RORA: variants seen among roughly 807,000 people sequenced by gnomAD.
RORA encodes nuclear receptor ROR-alpha.
RORA carries 7 observed loss-of-function variants against 69.5 expected under a neutral mutation model. The observed-to-expected ratio is 0.10, with a 90% CI of 0.06 to 0.19. RORA has a LOEUF of 0.19. RORA is among the 10% of genes least tolerant of loss of function. The probability of loss-of-function intolerance (pLI) is 1.00; values close to 1 mark genes in which losing one functional copy is unlikely to be tolerated. For synonymous variants in RORA, 261 were observed against 240.8 expected (o/e 1.08, Z -0.78); for missense variants, 457 against 663.0 (o/e 0.69, Z 3.41).
chr15:61,163,302 G>GA (rs889043832), intron 1 of RORA, among the ~76,000 whole-genome samples: 10 of 152,268 alleles, frequency 6.6e-5, no homozygotes, highest in Middle Eastern at 3.4e-3. Flanking sequence ...CGTGTTCCAG[G>GA]AGACACCAGT....
intron 1 of RORA, among the ~76,000 whole-genome samples, chr15:60,988,665 G>T (rs559098590): frequency 1.6e-4 from 25 of 152,288 alleles, no homozygotes; most frequent in Non-Finnish European, 3.1e-4. Flanking sequence ...AAACGCTGTA[G>T]CTGTCTCTGT....
intron 1 of RORA, among the ~76,000 whole-genome samples, chr15:60,945,828 G>A (rs1483810541): frequency 6.6e-6 from 1 of 152,162 alleles, no homozygotes; most frequent in East Asian, 1.9e-4. Context: ...CACTTAATTG[G>A]CCAGAAGAGC....
chr15:61,120,438 G>T (rs929814723), intron 1 of RORA, among the ~76,000 whole-genome samples: 3 of 152,022 alleles, frequency 2.0e-5, no homozygotes, highest in African/African-American at 2.4e-5. Context: ...GGTGGCTCAC[G>T]CCTGTAATCC....
In RORA at chr15:60,624,545, G is replaced by GTA. The variant is rs139131413; in HGVS notation, c.196+54110_196+54111dup. Among the ~76,000 whole-genome samples, 418 of 127,986 alleles carry GTA rather than the reference G, an allele frequency of 3.3e-3. 1 individual carries two copies. The highest frequency in any genetic ancestry group is 9.6e-3 in the African/African-American group (320 of 33,270). The allele number at this position is 127,986 out of a possible 152,430, so 84.0% of individuals were successfully genotyped here. ...TATATATAGTATATATATATTTGCT[G>GTA]TATATATATATATTTGCTGCACATA... On this transcript the variant is annotated intron_variant, in intron 2 of 10. Transcript: ENST00000335670.
chr15:60,742,201 T>C (rs950101390), intron 1 of RORA, among the ~76,000 whole-genome samples: 3 of 152,224 alleles, frequency 2.0e-5, no homozygotes, highest in South Asian at 2.1e-4. Context: ...GTCATCCACA[T>C]TGAATGCTGT....
intron 1 of RORA, among the ~76,000 whole-genome samples, chr15:60,880,562 C>A (rs113846372): frequency 0.012 from 1,885 of 152,190 alleles, 21 homozygotes; most frequent in Middle Eastern, 0.02. Context: ...TGGCTTGAAC[C>A]CAGGAGGCGG....
chr15:60,872,610 G>A (rs1442905585), intron 1 of RORA, among the ~76,000 whole-genome samples: 3 of 152,154 alleles, frequency 2.0e-5, no homozygotes, highest in Non-Finnish European at 4.4e-5. Context: ...TTTAGTGACT[G>A]AAGAGGTGGT....
chr15:60,629,039 C>A (rs2069663632), intron 2 of RORA, among the ~76,000 whole-genome samples: 1 of 152,108 alleles, frequency 6.6e-6, no homozygotes, highest in Non-Finnish European at 1.5e-5. Flanking sequence ...TCATGGCTGG[C>A]AGGCTTCTCA....
intron 1 of RORA, among the ~76,000 whole-genome samples, chr15:61,203,312 A>C (rs1203453801): frequency 6.6e-6 from 1 of 152,228 alleles, no homozygotes; most frequent in Non-Finnish European, 1.5e-5. Flanking sequence ...ACAGAAAAGC[A>C]TCTAGCTTTG....
At chr15:61,086,224 C>G (rs533780698) in intron 1 of RORA, among the ~76,000 whole-genome samples, 2 of 152,198 alleles carry the variant, frequency 1.3e-5, no homozygotes, top group African/African-American at 4.8e-5. Flanking sequence ...TTCCTGCATA[C>G]GTCCATGATC....
At chr15:60,541,065 A>G (rs1159061278) in intron 2 of RORA, among the ~76,000 whole-genome samples, 2 of 152,312 alleles carry the variant, frequency 1.3e-5, no homozygotes, top group East Asian at 3.9e-4. Context: ...TGGATGAGAG[A>G]TGAGGGAAGG....
At chr15:60,551,874 C>G (rs539374866) in intron 2 of RORA, among the ~76,000 whole-genome samples, 6 of 152,196 alleles carry the variant, frequency 3.9e-5, no homozygotes, top group Non-Finnish European at 8.8e-5. Context: ...CTCCTGCCAC[C>G]TTTTCAACTG....
chr15:61,063,342 C>T (rs2078213080), intron 1 of RORA, among the ~76,000 whole-genome samples: 1 of 152,116 alleles, frequency 6.6e-6, no homozygotes, highest in Non-Finnish European at 1.5e-5. Flanking sequence ...GAAGCCACTG[C>T]CCAGTGAGAA....
chr15:61,051,550 T>C (rs528253711), intron 1 of RORA, among the ~76,000 whole-genome samples: 1 of 152,160 alleles, frequency 6.6e-6, no homozygotes, highest in South Asian at 2.1e-4. Context: ...TATTGGCACC[T>C]TCTGGACAGG....
chr15:60,733,313 G>T (rs1222338724), intron 1 of RORA, among the ~76,000 whole-genome samples: 1 of 152,172 alleles, frequency 6.6e-6, no homozygotes, highest in Non-Finnish European at 1.5e-5. Flanking sequence ...ATTGAGATGG[G>T]AATAAGGACA....
chr15:60,837,060 T>C (rs886388579), intron 1 of RORA, among the ~76,000 whole-genome samples: 3 of 148,758 alleles, frequency 2.0e-5, no homozygotes, highest in Non-Finnish European at 4.5e-5. Flanking sequence ...TTTGTAGATA[T>C]GGGGTCTTGC....
intron 2 of RORA, among the ~76,000 whole-genome samples, chr15:60,645,434 T>C (rs1443002238): frequency 2.0e-5 from 3 of 151,464 alleles, no homozygotes; most frequent in Non-Finnish European, 4.4e-5. Context: ...TTTTTTTTTT[T>C]TTTTTGAGGC....
In RORA at chr15:60,495,929, ATCT is replaced by A. The variant is rs771701949; in HGVS notation, c.*1523_*1525del. 8.5e-5 allele frequency: 13 copies of A among 152,114 alleles called. No homozygotes were observed. Among genetic ancestry groups the A allele is most frequent in the African/African-American group, 3.1e-4 (13 of 41,422 alleles). 9.4% of individuals were successfully genotyped at this position (152,114 alleles called of 1,614,324 possible). ...CTCACCTGAACACACAAGCCAAATA[ATCT>A]TCTAAATATTTAATAAAATAAATTA... On this transcript the variant is annotated 3_prime_UTR_variant, in exon 11 of 11. Coordinates refer to ENST00000335670, the MANE Select transcript of RORA (RefSeq NM_134261.3).
intron 1 of RORA, among the ~76,000 whole-genome samples, chr15:61,186,640 CAAAAAAAAAAAA>C (rs58380679): frequency 1.6e-4 from 11 of 67,590 alleles, no homozygotes; most frequent in Admixed American, 7.6e-4. Context: ...GACCCTGACT[CAAAAAAAAAAAA>C]AAAAAAAAAA....
Sources: gnomAD v4.1 joint callset for allele counts (sites outside exome capture counted in the v4.1 genomes callset) on GRCh38, gnomAD v4.1.1 for gene constraint, MANE v1.5 for transcripts, NCBI Gene and HGNC (gene_info 2026-07-23, HGNC 2026-07-21) for gene names.